The following MYT1L variants were observed in gnomAD, a reference collection of about 807,000 sequenced individuals.
MYT1L encodes the protein myelin transcription factor 1 like.
A neutral mutation model predicts 126.7 loss-of-function variants in MYT1L; 12 were observed. The observed-to-expected ratio is 0.09, with a 90% CI of 0.06 to 0.15. MYT1L has a LOEUF of 0.15. MYT1L is among the 10% of genes least tolerant of loss of function. The pLI is 1.00. For synonymous variants in MYT1L, 541 were observed against 604.2 expected, an observed-to-expected ratio of 0.90 and a Z score of 1.53; for missense variants, 979 against 1,585.2, an observed-to-expected ratio of 0.62 and a Z score of 6.49.
chr2:1,905,097 C>G lies in MYT1L; in HGVS notation c.1818-1803G>C, dbSNP rs2217625. On this transcript the variant is annotated intron_variant, in intron 13 of 24. Coordinates refer to ENST00000647738, the MANE Select transcript of MYT1L (RefSeq NM_001303052.2). Reference sequence around the variant, plus strand: ...AGAGACAGGGTTTTGCCAAGTTGGCCAGGCTGGTCTTGAACCCTTGGCATC... The same window carrying G: ...AGAGACAGGGTTTTGCCAAGTTGGCGAGGCTGGTCTTGAACCCTTGGCATC... Among the ~76,000 whole-genome samples the G allele has an allele frequency of 2.2e-4, 33 of 152,292 alleles. No homozygotes were observed. In the East Asian group the frequency reaches 3.5e-3, roughly 16 times the overall value.
intron 8 of MYT1L, among the ~76,000 whole-genome samples, chr2:1,960,436 TTTTTTCAAAATGTCAAGTTTGAAA>T (rs796299655): frequency 4.6e-5 from 7 of 152,320 alleles, no homozygotes; most frequent in African/African-American, 1.7e-4. Context: ...TAACTTCCAG[TTTTTTCAAAATGTCAAGTTTGAAA>T]TTTTTGTGTC....
intron 2 of MYT1L, among the ~76,000 whole-genome samples, chr2:2,242,615 G>A (rs1559438929): frequency 6.6e-6 from 1 of 152,120 alleles, no homozygotes; most frequent in Non-Finnish European, 1.5e-5. Flanking sequence ...AATACTGTGG[G>A]CATTTCAGAA....
chr2:1,955,227 A>G (rs1408693447), intron 8 of MYT1L, among the ~76,000 whole-genome samples: 1 of 151,908 alleles, frequency 6.6e-6, no homozygotes, highest in Non-Finnish European at 1.5e-5. Context: ...AAAAATGGCT[A>G]AAGATGCCCC....
At chr2:2,142,283 G>A (rs1037497042) in intron 3 of MYT1L, among the ~76,000 whole-genome samples, 2 of 152,150 alleles carry the variant, frequency 1.3e-5, no homozygotes, top group African/African-American at 2.4e-5. Context: ...GGACGCAGTG[G>A]ATGTTTAGAA....
intron 3 of MYT1L, among the ~76,000 whole-genome samples, chr2:2,058,381 T>C (rs1320173102): frequency 6.6e-6 from 1 of 152,234 alleles, no homozygotes; most frequent in Non-Finnish European, 1.5e-5. Flanking sequence ...TGTCTTTTCG[T>C]TGTCTTAACA....
At chr2:1,980,264 G>A (rs1378371659) in intron 5 of MYT1L, among the ~76,000 whole-genome samples, 1 of 146,332 alleles carries the variant, frequency 6.8e-6, no homozygotes, top group Non-Finnish European at 1.5e-5. Flanking sequence ...GTTACAAGGA[G>A]AATCTAAATA....
intron 2 of MYT1L, among the ~76,000 whole-genome samples, chr2:2,179,161 G>T (rs1011707232): frequency 3.9e-5 from 6 of 152,154 alleles, no homozygotes; most frequent in Non-Finnish European, 8.8e-5. Context: ...CATGGCCAAG[G>T]AAGTGGCTCA....
intron 3 of MYT1L, among the ~76,000 whole-genome samples, chr2:2,145,194 G>A (rs1017700966): frequency 6.6e-6 from 1 of 152,198 alleles, no homozygotes; most frequent in Admixed American, 6.5e-5. Context: ...TGGCTCTGAA[G>A]GTGTGGCCTC....
chr2:1,854,425 C>A (rs1294685777), intron 18 of MYT1L, among the ~76,000 whole-genome samples: 1 of 152,118 alleles, frequency 6.6e-6, no homozygotes, highest in Non-Finnish European at 1.5e-5. Context: ...GTGCAGACTG[C>A]AAGCTCAAAT....
intron 2 of MYT1L, among the ~76,000 whole-genome samples, chr2:2,277,348 A>G (rs1261816865): frequency 6.6e-6 from 1 of 152,176 alleles, no homozygotes; most frequent in African/African-American, 2.4e-5. Context: ...GATTTGCACA[A>G]AGCATTTGCT....
rs1385633531 is a variant in MYT1L at position 1,811,903 on chromosome 2, G to A, written c.3081-2736C>T. 2.6e-5 allele frequency among the ~76,000 whole-genome samples: 4 copies of A among 152,172 alleles called. No homozygotes were observed. The highest frequency in any genetic ancestry group is 9.7e-5 in the African/African-American group (4 of 41,440). On this transcript the variant is annotated intron_variant, in intron 21 of 24. Transcript: ENST00000647738. The surrounding 1 kb of genome is among the most constrained non-coding windows in gnomAD (Gnocchi z 4.4). ...CGCCCTGCAAATCCGGCTGGGGTGG[G>A]GGCTGACACTTCTGCTTCCCTAGCT... is the stretch of plus-strand genomic sequence containing the variant.
At chr2:1,916,409 C>T (rs1375906959) in intron 11 of MYT1L, among the ~76,000 whole-genome samples, 2 of 152,116 alleles carry the variant, frequency 1.3e-5, no homozygotes, top group Admixed American at 6.5e-5. Context: ...CTTCCCATGC[C>T]GTAGACTCAA....
chr2:2,201,174 C>G (rs1313368731), intron 2 of MYT1L, among the ~76,000 whole-genome samples: 1 of 152,114 alleles, frequency 6.6e-6, no homozygotes, highest in Non-Finnish European at 1.5e-5. Flanking sequence ...CTGTTCAGAA[C>G]TGGGATGTGA....
At chr2:2,114,729 A>G (rs1476268263) in intron 3 of MYT1L, among the ~76,000 whole-genome samples, 1 of 152,228 alleles carries the variant, frequency 6.6e-6, no homozygotes, top group Non-Finnish European at 1.5e-5. Flanking sequence ...GAGTTGGCCA[A>G]TGAGTCAATG....
At chr2:2,241,275 T>TTG (rs35742332) in intron 2 of MYT1L, among the ~76,000 whole-genome samples, 70,368 of 150,746 alleles carry the variant, frequency 0.47, 16,671 homozygotes, top group East Asian at 0.77. Context: ...AATACATCTT[T>TTG]TGTGTGTGTG....
chr2:1,925,065 C>G (rs975539875), intron 9 of MYT1L, among the ~76,000 whole-genome samples: 10 of 152,282 alleles, frequency 6.6e-5, no homozygotes, highest in African/African-American at 2.4e-4. Flanking sequence ...ATCACTATGT[C>G]TATGAAGACC....
At chr2:2,300,451 A>G (rs1325839791) in intron 1 of MYT1L, among the ~76,000 whole-genome samples, 1 of 152,238 alleles carries the variant, frequency 6.6e-6, no homozygotes, top group East Asian at 1.9e-4. Flanking sequence ...TGATCCTATC[A>G]AAGTCCAACA....
chr2:1,825,716 A>G (rs1262093311), intron 21 of MYT1L: 2 of 152,224 alleles, frequency 1.3e-5, no homozygotes, highest in Admixed American at 1.3e-4. Context: ...CTATAAAATT[A>G]TAACAGGCTA....
In MYT1L at chr2:2,312,517, G is replaced by GT. The variant is rs545942963; in HGVS notation, c.-521+18449dup. Among the ~76,000 whole-genome samples the GT allele has an allele frequency of 1.0e-3, 155 of 152,270 alleles. No individual in the cohort carries two copies. In the Middle Eastern group the frequency reaches 0.01, roughly 10 times the overall value. ...AGTCCCAGCTACTCAGGAGGCTGAGGTGGGAGGATTACTTGAACGTGGGAG... is the reference window on the plus strand; with the variant it reads ...AGTCCCAGCTACTCAGGAGGCTGAGGTTGGGAGGATTACTTGAACGTGGGAG... On this transcript the variant is annotated intron_variant, in intron 1 of 24. Transcript: ENST00000647738.
Sources: gnomAD v4.1 joint callset for allele counts (sites outside exome capture counted in the v4.1 genomes callset) on GRCh38, gnomAD v4.1.1 for gene constraint, Gnocchi (gnomAD v3.1) non-coding constraint, MANE v1.5 for transcripts, NCBI Gene and HGNC (gene_info 2026-07-23, HGNC 2026-07-21) for gene names.